Variants in CDH12 observed in about 807,000 individuals in gnomAD.
CDH12 encodes cadherin-12.
Under a neutral mutation model 74.1 loss-of-function variants are expected in CDH12, and 41 were observed. That is an observed-to-expected ratio of 0.55 (90% CI 0.43 to 0.72). The LOEUF (loss-of-function observed/expected upper bound fraction) is 0.72. Among genes scored for constraint, CDH12 ranks in the 30% least tolerant of loss-of-function variants. CDH12 has a pLI of 0.00. For missense variants in CDH12, 945 were observed against 977.2 expected (o/e 0.97, Z 0.44); for synonymous variants, 399 against 355.0 (o/e 1.12, Z -1.39).
intron 2 of CDH12, 141 bp downstream of exon 2, chr5:22,505,129 T>G (rs892620640): frequency 1.3e-5 from 2 of 158,960 alleles, no homozygotes; most frequent in African/African-American, 4.8e-5. Flanking sequence ...TTATGTCAAC[T>G]CCTTGTAAAT....
intron 1 of CDH12, among the ~76,000 whole-genome samples, chr5:22,728,005 A>G (rs1482876675): frequency 6.6e-6 from 1 of 151,646 alleles, no homozygotes; most frequent in Admixed American, 6.6e-5. Flanking sequence ...TTTAGTCAAA[A>G]TTTTCCAAAT....
intron 4 of CDH12, among the ~76,000 whole-genome samples, chr5:22,136,401 T>C (rs1746462206): frequency 6.6e-6 from 1 of 151,978 alleles, no homozygotes; most frequent in South Asian, 2.1e-4. Context: ...AGATGAGCTG[T>C]TACTTGTGTT....
chr5:22,799,995 A>G (rs1748427343), intron 1 of CDH12, among the ~76,000 whole-genome samples: 1 of 152,156 alleles, frequency 6.6e-6, no homozygotes, highest in South Asian at 2.1e-4. Context: ...AATGGATTTT[A>G]TTTTCAGATA....
At chr5:21,932,095 C>T (rs1484153092) in intron 6 of CDH12, among the ~76,000 whole-genome samples, 1 of 152,278 alleles carries the variant, frequency 6.6e-6, no homozygotes, top group African/African-American at 2.4e-5. Flanking sequence ...GGATACTCTA[C>T]ACAAATGAAA....
intron 5 of CDH12, among the ~76,000 whole-genome samples, chr5:22,049,452 T>C (rs999142737): frequency 6.6e-6 from 1 of 152,130 alleles, no homozygotes; most frequent in Admixed American, 6.6e-5. Context: ...CAGCTTTTGA[T>C]TTTAAAATAT....
chr5:22,631,270 C>T (rs2126856709), intron 1 of CDH12, among the ~76,000 whole-genome samples: 1 of 152,282 alleles, frequency 6.6e-6, no homozygotes, highest in East Asian at 1.9e-4. Context: ...TTCGACTCAG[C>T]AATCCCAATA....
intron 1 of CDH12, among the ~76,000 whole-genome samples, chr5:22,829,542 G>A (rs144481949): frequency 6.6e-6 from 1 of 152,172 alleles, no homozygotes; most frequent in Non-Finnish European, 1.5e-5. Flanking sequence ...GAGTGCCACA[G>A]TTTAACTGAG....
At chr5:22,025,367 A>C (rs960253610) in intron 5 of CDH12, among the ~76,000 whole-genome samples, 9 of 152,190 alleles carry the variant, frequency 5.9e-5, no homozygotes, top group Admixed American at 5.2e-4. Flanking sequence ...GTTTCCCAGC[A>C]CTTATAAAAG....
chr5:21,801,700 AC>A (rs1747119729), intron 10 of CDH12, among the ~76,000 whole-genome samples: 1 of 152,318 alleles, frequency 6.6e-6, no homozygotes, highest in East Asian at 1.9e-4. Context: ...AGTTTGTTAC[AC>A]TGGAAAAAAT....
At chr5:21,752,344 T>A (rs1744143918) in intron 14 of CDH12, 108 bp from the exon 15 acceptor site, 2 of 879,978 alleles carry the variant, frequency 2.3e-6, no homozygotes, top group Non-Finnish European at 3.5e-6. Context: ...GTGAATGACC[T>A]CCTGTTACTT....
intron 6 of CDH12, among the ~76,000 whole-genome samples, chr5:21,892,687 C>G (rs1752949254): frequency 6.6e-6 from 1 of 151,960 alleles, no homozygotes; most frequent in Non-Finnish European, 1.5e-5. Context: ...ACCTACAATA[C>G]TAAATCTTTT....
At chr5:22,680,313 A>G (rs1741427329) in intron 1 of CDH12, among the ~76,000 whole-genome samples, 1 of 152,082 alleles carries the variant, frequency 6.6e-6, no homozygotes, top group African/African-American at 2.4e-5. Flanking sequence ...GAAATACATG[A>G]ATTCCACTTA....
intron 4 of CDH12, among the ~76,000 whole-genome samples, chr5:22,148,452 G>A (rs1747351453): frequency 6.6e-6 from 1 of 151,724 alleles, no homozygotes; most frequent in Non-Finnish European, 1.5e-5. Flanking sequence ...GTATCACATA[G>A]CAGAGGTGGG....
chr5:22,765,959 T>A (rs10462230), intron 1 of CDH12, among the ~76,000 whole-genome samples: 29 of 151,598 alleles, frequency 1.9e-4, no homozygotes, highest in Non-Finnish European at 3.8e-4. Context: ...AGTTGAAAAA[T>A]GTGGACAAAG....
chr5:21,930,285 A>G (rs1754774173), intron 6 of CDH12, among the ~76,000 whole-genome samples: 1 of 152,212 alleles, frequency 6.6e-6, no homozygotes, highest in Non-Finnish European at 1.5e-5. Context: ...GACACATGCC[A>G]GATTGCAGCA....
intron 1 of CDH12, among the ~76,000 whole-genome samples, chr5:22,588,938 G>T (rs1012323414): frequency 6.6e-6 from 1 of 151,910 alleles, no homozygotes; most frequent in Non-Finnish European, 1.5e-5. Context: ...CTATAACCAC[G>T]CCATTATACT....
At chr5:21,880,675 CTTTCTTTCT>C (rs1752294772) in intron 6 of CDH12, among the ~76,000 whole-genome samples, 1 of 115,886 alleles carries the variant, frequency 8.6e-6, no homozygotes, top group African/African-American at 3.1e-5. Context: ...TTCTTTCTTT[CTTTCTTTCT>C]TTCTTTCTCT....
chr5:21,833,069 A>G (rs1215624740), intron 8 of CDH12, among the ~76,000 whole-genome samples: 1 of 84,074 alleles, frequency 1.2e-5, no homozygotes, highest in Non-Finnish European at 2.1e-5. Context: ...TATATAACAT[A>G]TAATATATAT....
At chr5:21,879,381 G>A (rs1368157374) in intron 6 of CDH12, among the ~76,000 whole-genome samples, 5 of 148,020 alleles carry the variant, frequency 3.4e-5, no homozygotes, top group Non-Finnish European at 2.9e-5. Context: ...GCACACTACA[G>A]GGAACAGTGA....
Sources: allele counts gnomAD v4.1 joint callset (sites outside exome capture counted in the v4.1 genomes callset), GRCh38; gene constraint gnomAD v4.1.1; transcripts MANE v1.5; gene names NCBI Gene and HGNC (gene_info 2026-07-23, HGNC 2026-07-21).